Variants in SLC24A3 observed in about 807,000 individuals in gnomAD.
The protein encoded by SLC24A3 is solute carrier family 24 member 3, also known as sodium/potassium/calcium exchanger 3.
A neutral mutation model predicts 75.8 loss-of-function variants in SLC24A3; 28 were observed. The ratio of observed to expected loss-of-function variants is 0.37; its 90% CI spans 0.27 to 0.51. The LOEUF is 0.51. Among genes scored for constraint, SLC24A3 ranks in the 20% least tolerant of loss-of-function variants. The probability of loss-of-function intolerance (pLI) is 0.94; values close to 1 mark genes in which losing one functional copy is unlikely to be tolerated. For missense variants in SLC24A3, 663 were observed against 847.8 expected (o/e 0.78, Z 2.71); for synonymous variants, 372 against 334.1 (o/e 1.11, Z -1.24).
At chr20:19,639,213 G>T in intron 6 of SLC24A3, among the ~76,000 whole-genome samples, 1 of 152,044 alleles carries the variant, frequency 6.6e-6, no homozygotes, top group Non-Finnish European at 1.5e-5. Flanking sequence ...GTTCTCCAAG[G>T]CCCCACCAGA....
chr20:19,471,898 C>T (rs148491088), intron 2 of SLC24A3, among the ~76,000 whole-genome samples: 3 of 152,064 alleles, frequency 2.0e-5, no homozygotes, highest in Non-Finnish European at 4.4e-5. Flanking sequence ...ATTTGAAAAT[C>T]GAAAATATGA....
At chr20:19,593,492 G>C (rs1413198166) in intron 6 of SLC24A3, among the ~76,000 whole-genome samples, 1 of 152,212 alleles carries the variant, frequency 6.6e-6, no homozygotes, top group Non-Finnish European at 1.5e-5. Context: ...GGCAGGCACT[G>C]TCTCGCAGCG....
At chr20:19,214,676 G>A (rs1600377545) in intron 1 of SLC24A3, among the ~76,000 whole-genome samples, 2 of 152,192 alleles carry the variant, frequency 1.3e-5, no homozygotes, top group East Asian at 3.9e-4. Flanking sequence ...GGATTTGGGA[G>A]GAGAGGAGGC....
rs1324098536 is a variant in SLC24A3 at position 19,633,397 on chromosome 20, C to T, written c.613-20665C>T. On this transcript the variant is annotated intron_variant, in intron 6 of 16. Coordinates refer to ENST00000328041, the MANE Select transcript of SLC24A3 (RefSeq NM_020689.4). The stretch of plus-strand genomic sequence containing the variant: ...GGGCGCGGTGGCTCACGCCTGTAAT[C>T]CCAGCACTTTGGGAGGCCGAGGCGG... Among the ~76,000 whole-genome samples the T allele has an allele frequency of 4.6e-5, 7 of 152,184 alleles. No individual in the cohort carries two copies. In the South Asian group the frequency reaches 1.2e-3, roughly 27 times the overall value.
At chr20:19,597,706 C>T (rs2031469105) in intron 6 of SLC24A3, among the ~76,000 whole-genome samples, 1 of 152,158 alleles carries the variant, frequency 6.6e-6, no homozygotes, top group Admixed American at 6.5e-5. Context: ...CATTAACCAA[C>T]CTCTCTTCAT....
At chr20:19,348,461 T>A (rs1354968978) in intron 2 of SLC24A3, among the ~76,000 whole-genome samples, 2 of 152,152 alleles carry the variant, frequency 1.3e-5, no homozygotes, top group Non-Finnish European at 2.9e-5. Context: ...TCACAGAAAG[T>A]TCTGTTGGTC....
chr20:19,326,476 C>T (rs375195535), intron 2 of SLC24A3, among the ~76,000 whole-genome samples: 7 of 152,130 alleles, frequency 4.6e-5, no homozygotes, highest in African/African-American at 1.4e-4. Context: ...GAGCCAGGTC[C>T]GGCCTCCTGG....
At chr20:19,345,932 A>G (rs536939883) in intron 2 of SLC24A3, among the ~76,000 whole-genome samples, 2 of 151,620 alleles carry the variant, frequency 1.3e-5, no homozygotes, top group South Asian at 4.2e-4. Flanking sequence ...CAATCCCACT[A>G]CTAGGTATCT....
chr20:19,640,311 C>G (rs1165993287), intron 6 of SLC24A3, among the ~76,000 whole-genome samples: 1 of 152,068 alleles, frequency 6.6e-6, no homozygotes, highest in Non-Finnish European at 1.5e-5. Flanking sequence ...TTTACTGACA[C>G]CTGAAATAAG....
chr20:19,285,844 T>C (rs1983802754), intron 2 of SLC24A3, among the ~76,000 whole-genome samples: 2 of 152,226 alleles, frequency 1.3e-5, no homozygotes. Context: ...TAGACAACTG[T>C]AGCAGAAATG....
At chr20:19,300,150 A>C (rs1411067858) in intron 2 of SLC24A3, among the ~76,000 whole-genome samples, 1 of 152,214 alleles carries the variant, frequency 6.6e-6, no homozygotes, top group African/African-American at 2.4e-5. Context: ...AAGTGCTTTG[A>C]TATTTCTCTT....
intron 2 of SLC24A3, among the ~76,000 whole-genome samples, chr20:19,411,448 T>G (rs1758318530): frequency 6.6e-6 from 1 of 152,226 alleles, no homozygotes; most frequent in African/African-American, 2.4e-5. Flanking sequence ...ATGTTTGGAC[T>G]TTGCCTTGGA....
chr20:19,604,615 TA>T (rs1568670219), intron 6 of SLC24A3, among the ~76,000 whole-genome samples: 1 of 152,200 alleles, frequency 6.6e-6, no homozygotes, highest in Non-Finnish European at 1.5e-5. Flanking sequence ...CCCCCAGTGT[TA>T]ACCTAGATCT....
At chr20:19,707,131 G>A (rs1444965098) in intron 15 of SLC24A3, among the ~76,000 whole-genome samples, 5 of 152,038 alleles carry the variant, frequency 3.3e-5, no homozygotes, top group South Asian at 2.1e-4. Flanking sequence ...ACCCAGCTTC[G>A]GAAACACATT....
intron 1 of SLC24A3, among the ~76,000 whole-genome samples, chr20:19,265,223 T>C (rs1383382026): frequency 6.6e-6 from 1 of 152,234 alleles, no homozygotes; most frequent in Non-Finnish European, 1.5e-5. Context: ...TCAACTGTCT[T>C]GCTCCACCAT....
At chr20:19,675,286 G>A (rs2032510408) in intron 9 of SLC24A3, among the ~76,000 whole-genome samples, 1 of 152,196 alleles carries the variant, frequency 6.6e-6, no homozygotes, top group Non-Finnish European at 1.5e-5. Context: ...AGGAGTGACT[G>A]CCTTCTCTAG....
chr20:19,622,551 T>C (rs2122677308), intron 6 of SLC24A3, among the ~76,000 whole-genome samples: 1 of 152,248 alleles, frequency 6.6e-6, no homozygotes, highest in East Asian at 1.9e-4. Context: ...ATTCTTGGAG[T>C]CTGTGTCGAC....
chr20:19,262,067 G>A (rs1983006983), intron 1 of SLC24A3, among the ~76,000 whole-genome samples: 1 of 152,154 alleles, frequency 6.6e-6, no homozygotes, highest in South Asian at 2.1e-4. Flanking sequence ...CCTCCATGGT[G>A]GCAAAATGGC....
At chr20:19,358,202 G>T (rs1373895181) in intron 2 of SLC24A3, among the ~76,000 whole-genome samples, 2 of 152,172 alleles carry the variant, frequency 1.3e-5, no homozygotes, top group Non-Finnish European at 2.9e-5. Context: ...GCCATGACCT[G>T]GGGTGCCTTT....
Sources: allele counts gnomAD v4.1 joint callset (sites outside exome capture counted in the v4.1 genomes callset), GRCh38; gene constraint gnomAD v4.1.1; transcripts MANE v1.5; gene names NCBI Gene and HGNC (gene_info 2026-07-23, HGNC 2026-07-21).